The following TMEM164 variants were observed in gnomAD, a reference collection of about 807,000 sequenced individuals.
The protein encoded by TMEM164 is RP13-360B22.2.
Under a neutral mutation model 18.8 loss-of-function variants are expected in TMEM164, and 4 were observed. The ratio of observed to expected loss-of-function variants is 0.21; its 90% CI spans 0.10 to 0.49. TMEM164 has a LOEUF of 0.49. Ranked by LOEUF, TMEM164 falls within the 20% of genes least tolerant of loss-of-function variation. The probability of loss-of-function intolerance (pLI) is 0.98; values close to 1 mark genes in which losing one functional copy is unlikely to be tolerated. For missense variants in TMEM164, 108 were observed against 239.9 expected, an observed-to-expected ratio of 0.45 and a Z score of 3.63; for synonymous variants, 86 against 101.7, an observed-to-expected ratio of 0.85 and a Z score of 0.93.
At chrX:110,108,974 A>T in intron 3 of TMEM164, 106 bp from the exon 4 acceptor site, 1 of 712,169 alleles carries the variant, frequency 1.4e-6, no homozygotes, top group Non-Finnish European at 2.2e-6. Context: ...AGCAACTTGT[A>T]TACATAGTTC....
chrX:110,161,103 G>C (rs1256270647), intron 5 of TMEM164, among the ~76,000 whole-genome samples: 4 of 112,330 alleles, frequency 3.6e-5, no homozygotes, highest in Non-Finnish European at 3.8e-5. Flanking sequence ...GTTCTAGGCA[G>C]GCCACCTCTC....
chrX:110,068,318 C>T (rs908890517), intron 3 of TMEM164, among the ~76,000 whole-genome samples: 6 of 112,287 alleles, frequency 5.3e-5, no homozygotes, highest in African/African-American at 9.7e-5. Flanking sequence ...CTTTCAGCTG[C>T]GTGAGGGATA....
intron 4 of TMEM164, among the ~76,000 whole-genome samples, chrX:110,114,725 A>G (rs752471964): frequency 9.0e-6 from 1 of 111,550 alleles, no homozygotes; most frequent in East Asian, 2.8e-4. Context: ...TGAAGATACT[A>G]TATCAGCCCT....
intron 5 of TMEM164, among the ~76,000 whole-genome samples, chrX:110,157,947 C>T (rs985268062): frequency 3.6e-5 from 4 of 111,524 alleles, no homozygotes; most frequent in Admixed American, 2.8e-4. Context: ...AGTGCAATGG[C>T]GAGATCTTGG....
intron 5 of TMEM164, among the ~76,000 whole-genome samples, chrX:110,159,638 G>A (rs58411085): frequency 0.051 from 5,621 of 110,876 alleles, 364 homozygotes; most frequent in African/African-American, 0.18. Context: ...CTGATCTGAG[G>A]TGAATTCAAT....
chrX:110,095,822 C>T (rs2066008256), intron 3 of TMEM164, among the ~76,000 whole-genome samples: 1 of 112,180 alleles, frequency 8.9e-6, no homozygotes, highest in African/African-American at 3.2e-5. Context: ...GTGGTTTTAT[C>T]TACCTTTGGT....
In TMEM164 at chrX:110,055,301, A is replaced by G. The variant is rs371146344; in HGVS notation, c.391-12046A>G. 151 of 381,706 alleles carry G rather than the reference A, an allele frequency of 4.0e-4. 1 individual carries two copies. The highest frequency in any genetic ancestry group is 8.6e-4 in the South Asian group (36 of 42,090). The allele number at this position is 381,706 out of a possible 1,213,427, so 31.5% of individuals were successfully genotyped here. A position where few individuals can be genotyped will look rare whatever the true frequency, so the allele number is the denominator to read the frequency against. The stretch of plus-strand genomic sequence containing the variant: ...GTTCTTTTTGGCTTTGTTCTCAAAC[A>G]CTAGGAATGTTTCCAAGCAGGGCCG... On this transcript the variant is annotated intron_variant, in intron 2 of 6. Transcript: ENST00000372068.
At chrX:110,111,650 A>G (rs2066292090) in intron 4 of TMEM164, among the ~76,000 whole-genome samples, 1 of 112,251 alleles carries the variant, frequency 8.9e-6, no homozygotes, top group South Asian at 3.7e-4. Flanking sequence ...TAGTTCCTCT[A>G]GACAGGCCAC....
chrX:110,127,015 CTG>C (rs1474885680), intron 4 of TMEM164, among the ~76,000 whole-genome samples: 1 of 111,032 alleles, frequency 9.0e-6, no homozygotes, highest in African/African-American at 3.3e-5. Flanking sequence ...CTGTACATAA[CTG>C]TGTCTTGGTC....
At chrX:110,169,231 A>G (rs758346340) in intron 5 of TMEM164, among the ~76,000 whole-genome samples, 2 of 111,451 alleles carry the variant, frequency 1.8e-5, no homozygotes, top group South Asian at 3.8e-4. Flanking sequence ...TTCTGTCCCA[A>G]TCTGCCTTTT....
chrX:110,067,851 C>T (rs2065525713), intron 3 of TMEM164, among the ~76,000 whole-genome samples: 1 of 112,381 alleles, frequency 8.9e-6, no homozygotes, highest in East Asian at 2.8e-4. Context: ...GGAAAATGTC[C>T]ACTATTACAA....
At chrX:110,054,797 G>A (rs1164408219) in intron 2 of TMEM164, among the ~76,000 whole-genome samples, 1 of 111,662 alleles carries the variant, frequency 9.0e-6, no homozygotes, top group African/African-American at 3.3e-5. Flanking sequence ...CTAGTGGATT[G>A]GGTCACACTC....
intron 4 of TMEM164, among the ~76,000 whole-genome samples, chrX:110,116,385 T>G (rs150061887): frequency 8.9e-6 from 1 of 111,742 alleles, no homozygotes; most frequent in African/African-American, 3.3e-5. Flanking sequence ...GTAAGTGGTC[T>G]GGAAAGGCTT....
chrX:110,002,982 G>A (rs1932409848), upstream of TMEM164: 1 of 110,922 alleles, frequency 9.0e-6, no homozygotes, highest in African/African-American at 3.3e-5. Context: ...GCGGGCCGCG[G>A]GCTGGGGGTG....
At chrX:110,012,438 G>C (rs886339043) in intron 2 of TMEM164, among the ~76,000 whole-genome samples, 6 of 112,076 alleles carry the variant, frequency 5.4e-5, no homozygotes, top group Admixed American at 2.8e-4. Context: ...GGGCGTCAGG[G>C]AGAGGATGAG....
intron 2 of TMEM164, among the ~76,000 whole-genome samples, chrX:110,027,716 T>A (rs1249063920): frequency 9.1e-6 from 1 of 110,330 alleles, no homozygotes; most frequent in Non-Finnish European, 1.9e-5. Context: ...GCCGAGGTCA[T>A]GCCACTGCAC....
chrX:110,172,656 C>A (rs748287842), intron 6 of TMEM164, among the ~76,000 whole-genome samples: 1 of 111,801 alleles, frequency 8.9e-6, no homozygotes, highest in Non-Finnish European at 1.9e-5. Context: ...GCTCAGGCAA[C>A]GCCTCCTACA....
At chrX:110,145,787 C>T (rs745629311) in intron 5 of TMEM164, among the ~76,000 whole-genome samples, 20 of 111,727 alleles carry the variant, frequency 1.8e-4, no homozygotes, top group Non-Finnish European at 3.4e-4. Context: ...TTGGCTTATG[C>T]GTGGATGCTC....
intron 2 of TMEM164, among the ~76,000 whole-genome samples, chrX:110,014,513 A>G (rs915049190): frequency 2.7e-5 from 3 of 111,206 alleles, no homozygotes; most frequent in Non-Finnish European, 5.7e-5. Flanking sequence ...TACATCTCTA[A>G]GATTTAAAGA....
Sources: gnomAD v4.1 joint callset for allele counts (sites outside exome capture counted in the v4.1 genomes callset) on GRCh38, gnomAD v4.1.1 for gene constraint, MANE v1.5 for transcripts, NCBI Gene and HGNC (gene_info 2026-07-23, HGNC 2026-07-21) for gene names.